Variants in UVRAG observed in about 807,000 individuals in gnomAD.
UVRAG encodes UV radiation resistance-associated gene protein.
UVRAG carries 19 observed loss-of-function variants against 78.0 expected under a neutral mutation model. That is an observed-to-expected ratio of 0.24 (90% CI 0.17 to 0.36). The LOEUF (loss-of-function observed/expected upper bound fraction) is 0.36. UVRAG is among the 10% of genes least tolerant of loss of function. UVRAG has a pLI of 1.00. For synonymous variants in UVRAG, 323 were observed against 324.6 expected (o/e 1.00, Z 0.05); for missense variants, 740 against 853.8 (o/e 0.87, Z 1.66).
Position 76,141,621 on chromosome 11 carries a change from C to T in UVRAG, c.*208C>T, listed in dbSNP as rs557261641. On this transcript the variant is annotated 3_prime_UTR_variant, in exon 15 of 15. Coordinates refer to ENST00000356136, the MANE Select transcript of UVRAG (RefSeq NM_003369.4). ...GATTTTGCTTTCAAGATTTGCTTTTCGGGCCTGATGATTTTAAAGCAAAAA... is the reference window on the plus strand; with the variant it reads ...GATTTTGCTTTCAAGATTTGCTTTTTGGGCCTGATGATTTTAAAGCAAAAA... 1.5e-5 allele frequency: 9 copies of T among 597,868 alleles called. No homozygotes were observed. The East Asian group carries it at 1.8e-4, about 12-fold the overall frequency. 37.0% of individuals were successfully genotyped at this position (597,868 alleles called of 1,614,324 possible).
intron 6 of UVRAG, among the ~76,000 whole-genome samples, chr11:75,951,237 A>C (rs759548403): frequency 1.8e-4 from 27 of 151,772 alleles, no homozygotes; most frequent in Admixed American, 8.6e-4. Flanking sequence ...ATACGTATTA[A>C]GTTATTTCAC....
At chr11:76,015,685 G>C (rs922750325) in intron 11 of UVRAG, among the ~76,000 whole-genome samples, 2 of 152,152 alleles carry the variant, frequency 1.3e-5, no homozygotes, top group Non-Finnish European at 2.9e-5. Context: ...TAAGGGTAGA[G>C]AATTCACTGA....
At chr11:75,934,293 C>T (rs549306031) in intron 6 of UVRAG, among the ~76,000 whole-genome samples, 1 of 152,150 alleles carries the variant, frequency 6.6e-6, no homozygotes, top group Admixed American at 6.6e-5. Flanking sequence ...AAAATTAAAA[C>T]AATTGAAGTC....
At chr11:75,894,942 A>G (rs1457460591) in intron 5 of UVRAG, among the ~76,000 whole-genome samples, 2 of 152,116 alleles carry the variant, frequency 1.3e-5, no homozygotes, top group East Asian at 3.9e-4. Context: ...AGAAACATGT[A>G]GTGTGGGGGT....
chr11:75,966,916 A>G (rs1288863865), intron 7 of UVRAG, among the ~76,000 whole-genome samples: 6 of 152,122 alleles, frequency 3.9e-5, no homozygotes, highest in African/African-American at 1.2e-4. Flanking sequence ...TTGAATTTAA[A>G]CAGAATTTGG....
At chr11:76,031,703 T>G (rs1950441292) in intron 12 of UVRAG, among the ~76,000 whole-genome samples, 1 of 152,136 alleles carries the variant, frequency 6.6e-6, no homozygotes, top group African/African-American at 2.4e-5. Context: ...TAGAGTCCAG[T>G]GTAATGCTTG....
In UVRAG at chr11:75,875,244, A is replaced by G. The variant is rs144817308; in HGVS notation, c.271-4635A>G. Reference sequence around the variant, plus strand: ...TCATTCTTGCAGCAAAAATGTTCTGAGTTCACTTTGCCTAAAGTGCATCCT... The same window carrying G: ...TCATTCTTGCAGCAAAAATGTTCTGGGTTCACTTTGCCTAAAGTGCATCCT... On this transcript the variant is annotated intron_variant, in intron 3 of 14. Coordinates refer to ENST00000356136, the MANE Select transcript of UVRAG (RefSeq NM_003369.4). 2.0e-3 allele frequency among the ~76,000 whole-genome samples: 307 copies of G among 152,316 alleles called. 1 individual carries two copies. The highest frequency in any genetic ancestry group is 7.0e-3 in the African/African-American group (292 of 41,570).
intron 8 of UVRAG, among the ~76,000 whole-genome samples, chr11:75,992,737 A>G (rs140698164): frequency 1.3e-5 from 2 of 152,324 alleles, no homozygotes; most frequent in Admixed American, 6.5e-5. Flanking sequence ...ATATACTATT[A>G]TATGCTTGTG....
intron 13 of UVRAG, among the ~76,000 whole-genome samples, chr11:76,103,303 C>G (rs1422575944): frequency 6.6e-6 from 1 of 152,094 alleles, no homozygotes; most frequent in Non-Finnish European, 1.5e-5. Flanking sequence ...AAAATTCTGC[C>G]TACTACTCCC....
At chr11:76,008,743 C>A in intron 10 of UVRAG, 64 bp from the exon 11 acceptor site, 1 of 935,306 alleles carries the variant, frequency 1.1e-6, no homozygotes, top group South Asian at 1.8e-5. Context: ...ACCTGCTGAT[C>A]TGAGATTTAA....
Position 75,965,723 on chromosome 11 carries a change from C to T in UVRAG, c.699+4174C>T, listed in dbSNP as rs114823056. Among the ~76,000 whole-genome samples the T allele has an allele frequency of 1.5e-3, 235 of 152,210 alleles. 2 individuals are homozygous for T. Among genetic ancestry groups the T allele is most frequent in the African/African-American group, 5.4e-3 (226 of 41,542 alleles). The stretch of plus-strand genomic sequence containing the variant: ...TGTTTTTAAATTTTTATTTCTCATT[C>T]GTTTGCTGCTAGTATGTAATAATAC... On this transcript the variant is annotated intron_variant, in intron 7 of 14. Transcript: ENST00000356136.
intron 9 of UVRAG, among the ~76,000 whole-genome samples, chr11:76,004,894 C>T (rs569916934): frequency 7.9e-5 from 12 of 152,338 alleles, no homozygotes; most frequent in East Asian, 1.9e-4. Context: ...TCCCAACATT[C>T]GTTTAACAAA....
At chr11:76,025,200 C>T (rs1275878069) in intron 12 of UVRAG, among the ~76,000 whole-genome samples, 1 of 152,186 alleles carries the variant, frequency 6.6e-6, no homozygotes, top group African/African-American at 2.4e-5. Context: ...GACCACAAAA[C>T]ATGAGGAATG....
chr11:76,022,624 CT>C (rs925781914), intron 12 of UVRAG, among the ~76,000 whole-genome samples: 1 of 152,168 alleles, frequency 6.6e-6, no homozygotes, highest in African/African-American at 2.4e-5. Context: ...TTTGCATGGA[CT>C]GTCTTTCCCA....
chr11:75,885,734 C>T (rs577223054), intron 4 of UVRAG, among the ~76,000 whole-genome samples: 13 of 152,206 alleles, frequency 8.5e-5, no homozygotes, highest in African/African-American at 1.4e-4. Context: ...GTACACATTA[C>T]GCTTATTAGC....
chr11:76,010,251 A>G (rs527831020), intron 11 of UVRAG, among the ~76,000 whole-genome samples: 15 of 152,342 alleles, frequency 9.8e-5, no homozygotes, highest in Admixed American at 3.9e-4. Context: ...ATTGAAAAAA[A>G]TGTTCATTGA....
chr11:76,127,842 A>T (rs1184241576), intron 14 of UVRAG, among the ~76,000 whole-genome samples: 1 of 151,892 alleles, frequency 6.6e-6, no homozygotes, highest in Non-Finnish European at 1.5e-5. Flanking sequence ...CTGTAATCCC[A>T]GCTACTTGGG....
chr11:75,851,718 CAG>C (rs938047947), intron 1 of UVRAG, among the ~76,000 whole-genome samples, 163 bp from the exon 2 acceptor site: 23 of 152,120 alleles, frequency 1.5e-4, no homozygotes, highest in African/African-American at 5.6e-4. Context: ...TCCTGTTTGA[CAG>C]AGGGGATGCT....
chr11:75,929,171 G>A (rs1348443919), intron 6 of UVRAG, among the ~76,000 whole-genome samples: 1 of 152,110 alleles, frequency 6.6e-6, no homozygotes, highest in African/African-American at 2.4e-5. Flanking sequence ...TATGAATCGT[G>A]GAGATTGCTG....
Sources: allele counts gnomAD v4.1 joint callset (sites outside exome capture counted in the v4.1 genomes callset), GRCh38; gene constraint gnomAD v4.1.1; transcripts MANE v1.5; gene names NCBI Gene and HGNC (gene_info 2026-07-23, HGNC 2026-07-21).